HERC2: variants seen among roughly 807,000 people sequenced by gnomAD.
HERC2 encodes the protein HECT and RLD domain containing E3 ubiquitin protein ligase 2.
Under a neutral mutation model 537.7 loss-of-function variants are expected in HERC2, and 102 were observed. The observed-to-expected ratio is 0.19, with a 90% confidence interval of 0.16 to 0.22. The LOEUF (loss-of-function observed/expected upper bound fraction) is 0.22, where lower values mean the gene tolerates loss of function less well. Ranked by LOEUF, HERC2 falls within the 10% of genes least tolerant of loss-of-function variation. HERC2 has a pLI of 1.00. For missense variants in HERC2, 4,236 were observed against 6,198.2 expected (o/e 0.68, Z 10.63); for synonymous variants, 2,224 against 2,466.2 (o/e 0.90, Z 2.91).
chr15:28,132,029 C>T (rs1042195573), intron 81 of HERC2, 71 bp downstream of exon 81: 7 of 1,238,428 alleles, frequency 5.7e-6, no homozygotes, highest in Non-Finnish European at 4.2e-6. Context: ...GCTGTGTTTT[C>T]CCAGAGGGGC....
chr15:28,204,234 C>G (rs1270898901), intron 45 of HERC2, among the ~76,000 whole-genome samples: 1 of 152,138 alleles, frequency 6.6e-6, no homozygotes, highest in Non-Finnish European at 1.5e-5. Context: ...ATAAAAACTG[C>G]AAAGAGCAGC....
chr15:28,132,053 C>G, intron 81 of HERC2, 47 bp downstream of exon 81: 1 of 1,363,256 alleles, frequency 7.3e-7, no homozygotes, highest in South Asian at 1.5e-5. Context: ...GGGGGCCCGA[C>G]TGCGGTGAGC....
chr15:28,213,640 A>G, intron 42 of HERC2, 102 bp downstream of exon 42: 3 of 1,572,084 alleles, frequency 1.9e-6, no homozygotes, highest in Non-Finnish European at 2.6e-6. Flanking sequence ...GGCAAACTTC[A>G]AGTACCAGAA....
intron 58 of HERC2, 33 bp downstream of exon 58, chr15:28,179,109 T>A (rs1256947384): frequency 1.4e-5 from 23 of 1,600,614 alleles, no homozygotes; most frequent in Non-Finnish European, 2.0e-5. Flanking sequence ...CCAAGCATAA[T>A]TTAAAAATTT....
chr15:28,241,561 C>T (rs2140745254), intron 23 of HERC2, among the ~76,000 whole-genome samples: 1 of 152,358 alleles, frequency 6.6e-6, no homozygotes, highest in Non-Finnish European at 1.5e-5. Flanking sequence ...GTGGCTCCCT[C>T]CCGTAATCCC....
At position 28,268,326 on chromosome 15, in the gene HERC2, T is replaced by C. The variant is rs553618039; in HGVS notation, c.1598+139A>G. ...AAGCCATCACCAAGGAGGAGGCATATCGTAGTGTCCTGCTCCATCCCAGCG... is the reference window on the plus strand; with the variant it reads ...AAGCCATCACCAAGGAGGAGGCATACCGTAGTGTCCTGCTCCATCCCAGCG... On this transcript the variant is annotated intron_variant, in intron 12 of 92. Coordinates refer to ENST00000261609, the MANE Select transcript of HERC2 (RefSeq NM_004667.6). The surrounding 1 kb of genome is among the most constrained non-coding windows in gnomAD (Gnocchi z 4.7). The C allele has an allele frequency of 1.5e-6, 1 of 669,970 alleles. No homozygotes were observed. The highest frequency in any genetic ancestry group is 2.4e-6 in the Non-Finnish European group (1 of 414,404). 41.5% of individuals were successfully genotyped at this position (669,970 alleles called of 1,614,324 possible).
chr15:28,202,315 A>T, intron 46 of HERC2, 32 bp downstream of exon 46: 1 of 1,612,648 alleles, frequency 6.2e-7, no homozygotes, highest in Non-Finnish European at 8.5e-7. Flanking sequence ...GAACCCACAC[A>T]TACACAAGCA....
chr15:28,201,688 C>A (rs766135948), intron 47 of HERC2, 134 bp from the exon 48 acceptor site: 7 of 664,652 alleles, frequency 1.1e-5, no homozygotes, highest in Non-Finnish European at 1.8e-5. Context: ...TAAAAATCTT[C>A]ATTTAAAAAA....
intron 69 of HERC2, 66 bp from the exon 70 acceptor site, chr15:28,152,896 C>T (rs1892601481): frequency 6.7e-7 from 1 of 1,484,964 alleles, no homozygotes; most frequent in Non-Finnish European, 9.1e-7. Context: ...CTGCATGCCA[C>T]CTCTGCCCGT....
chr15:28,126,538 A>C (rs1281513603), intron 83 of HERC2, among the ~76,000 whole-genome samples: 6 of 152,276 alleles, frequency 3.9e-5, no homozygotes, highest in African/African-American at 1.4e-4. Context: ...ACACCATGGA[A>C]TACTACTAGC....
At chr15:28,174,665 G>T (rs1444854781) in intron 64 of HERC2, 45 bp from the exon 65 acceptor site, 1 of 1,289,648 alleles carries the variant, frequency 7.8e-7, no homozygotes, top group East Asian at 2.3e-5. Flanking sequence ...AACATTTCAG[G>T]ACATTTTCTT....
chr15:28,317,819 A>G (rs2077129285), intron 2 of HERC2, among the ~76,000 whole-genome samples: 1 of 152,250 alleles, frequency 6.6e-6, no homozygotes, highest in Admixed American at 6.5e-5. Context: ...ATAATTACAT[A>G]AAATGTAACC....
Position 28,279,362 on chromosome 15 carries a change from T to C in HERC2, c.542+706A>G, listed in dbSNP as rs143523248. Among the ~76,000 whole-genome samples the C allele has an allele frequency of 3.3e-3, 498 of 152,214 alleles. 1 individual carries two copies. The highest frequency in any genetic ancestry group is 5.3e-3 in the Non-Finnish European group (363 of 68,000). ...GAAAAACATGAAGCATCTAAACTAGTTGGGCATTAAACATTACAATCTATC... is the reference window on the plus strand; with the variant it reads ...GAAAAACATGAAGCATCTAAACTAGCTGGGCATTAAACATTACAATCTATC... On this transcript the variant is annotated intron_variant, in intron 5 of 92. Transcript: ENST00000261609.
At chr15:28,112,991 G>A (rs1018363424) in intron 92 of HERC2, 80 bp downstream of exon 92, 2 of 1,141,126 alleles carry the variant, frequency 1.8e-6, no homozygotes, top group African/African-American at 3.1e-5. Context: ...TCCATGTGCT[G>A]CAGGACTGTG....
intron 64 of HERC2, among the ~76,000 whole-genome samples, 159 bp from the exon 65 acceptor site, chr15:28,174,779 G>T (rs1895086662): frequency 6.6e-6 from 1 of 152,092 alleles, no homozygotes; most frequent in African/African-American, 2.4e-5. Flanking sequence ...TTTCAAAATG[G>T]CATCAGCGTA....
intron 2 of HERC2, among the ~76,000 whole-genome samples, chr15:28,317,915 G>T (rs1198989479): frequency 2.6e-5 from 4 of 152,100 alleles, no homozygotes; most frequent in Non-Finnish European, 5.9e-5. Flanking sequence ...AAAATAAAAA[G>T]TTTTTTAAAA....
At chr15:28,223,372 G>A (rs1302773452) in intron 35 of HERC2, among the ~76,000 whole-genome samples, 1 of 152,126 alleles carries the variant, frequency 6.6e-6, no homozygotes, top group Non-Finnish European at 1.5e-5. Context: ...GGTGGGCTTG[G>A]GCGGACCAAA....
Position 28,177,196 on chromosome 15 carries a change from T to C in HERC2, c.9255-69A>G. The C allele has an allele frequency of 6.9e-7, 1 of 1,455,774 alleles. No individual in the cohort carries two copies. Among genetic ancestry groups the C allele is most frequent in the Non-Finnish European group, 9.4e-7 (1 of 1,064,816 alleles). 90.2% of individuals were successfully genotyped at this position (1,455,774 alleles called of 1,614,324 possible). The stretch of plus-strand genomic sequence containing the variant: ...TCTTAGAGATGAAGGAAAAAAGACA[T>C]CTATACTGATCCACATGTAGTCAAC... On this transcript the variant is annotated intron_variant, in intron 60 of 92. Transcript: ENST00000261609. The surrounding 1 kb of genome is among the most constrained non-coding windows in gnomAD (Gnocchi z 5.0).
At position 28,246,725 on chromosome 15, in the gene HERC2, C is replaced by A. The variant is rs1281699115; in HGVS notation, c.3391+17G>T. 1 of 1,542,598 alleles carries A rather than the reference C, an allele frequency of 6.5e-7. No homozygotes were observed. The highest frequency in any genetic ancestry group is 8.7e-7 in the Non-Finnish European group (1 of 1,147,264). On this transcript the variant is annotated intron_variant, in intron 22 of 92. Transcript: ENST00000261609. ...CTCCTAAAATAAACATGTACACAAGCAGGAAACAAAAGGTACCAGTAAAGT... is the reference window on the plus strand; with the variant it reads ...CTCCTAAAATAAACATGTACACAAGAAGGAAACAAAAGGTACCAGTAAAGT...
Sources: allele counts gnomAD v4.1 joint callset (sites outside exome capture counted in the v4.1 genomes callset), GRCh38; gene constraint gnomAD v4.1.1; non-coding constraint Gnocchi (gnomAD v3.1); transcripts MANE v1.5; gene names NCBI Gene and HGNC (gene_info 2026-07-23, HGNC 2026-07-21).